EMC3: variants seen among roughly 807,000 people sequenced by gnomAD.
EMC3 encodes 30 kDa protein.
In EMC3, 13 loss-of-function variants were observed where a neutral mutation model predicts 36.6. The ratio of observed to expected loss-of-function variants is 0.35; its 90% CI spans 0.23 to 0.56. The LOEUF is 0.56. Ranked by LOEUF, EMC3 falls within the 20% of genes least tolerant of loss-of-function variation. The probability of loss-of-function intolerance (pLI) is 0.84; values close to 1 mark genes in which losing one functional copy is unlikely to be tolerated. For missense variants in EMC3, 220 were observed against 324.5 expected, an observed-to-expected ratio of 0.68 and a Z score of 2.47; for synonymous variants, 120 against 111.9, an observed-to-expected ratio of 1.07 and a Z score of -0.46.
intron 1 of EMC3, chr3:10,008,422 C>T (rs558111260): frequency 4.4e-6 from 6 of 1,367,694 alleles, no homozygotes; most frequent in East Asian, 9.1e-5. Context: ...GCATGCAGGC[C>T]GGGCAACCTT....
chr3:9,983,731 C>T (rs1246471946), intron 1 of EMC3, among the ~76,000 whole-genome samples: 3 of 151,944 alleles, frequency 2.0e-5, no homozygotes, highest in Non-Finnish European at 4.4e-5. Context: ...TTTGTGGTTA[C>T]AAAAGAGAGC....
At chr3:9,991,378 G>C (rs954884789), upstream of EMC3, among the ~76,000 whole-genome samples, 1 of 152,058 alleles carries the variant, frequency 6.6e-6, no homozygotes, top group Non-Finnish European at 1.5e-5. Flanking sequence ...ATTCCTCAGG[G>C]GTAATCATCC....
At chr3:9,969,479 T>C (rs1575673424) in intron 7 of EMC3, 3 of 1,400,590 alleles carry the variant, frequency 2.1e-6, no homozygotes, top group African/African-American at 2.9e-5. Context: ...TACAGCATCA[T>C]TGATAGTGTG....
Position 9,986,653 on chromosome 3 carries a change from C to A in EMC3, c.9G>T (p.Gly3=). ...TGTTGGAGTCGAGCAACAGTTCTGG[C>A]CCTGCCATCTTCACTGAAAGCTGGT... MA[G]PELLLDSNIR... is the part of the protein sequence containing the mutation. Residue 3 remains glycine, a synonymous_variant, in exon 1 of 8, where the codon GGG becomes GGT. Coordinates refer to ENST00000245046, the MANE Select transcript of EMC3 (RefSeq NM_001394674.1). 1 of 1,614,014 alleles carries A rather than the reference C, an allele frequency of 6.2e-7. No individual in the cohort carries two copies. The highest frequency in any genetic ancestry group is 8.5e-7 in the Non-Finnish European group (1 of 1,179,920).
intron 1 of EMC3, chr3:10,010,763 A>T (rs2086315565): frequency 6.6e-6 from 1 of 152,440 alleles, no homozygotes; most frequent in East Asian, 1.9e-4. Flanking sequence ...AGAGGACCCG[A>T]GTTAGTGCCC....
At position 9,963,145 on chromosome 3, in the gene EMC3, C is replaced by T. The variant is rs2085703525; in HGVS notation, c.*924G>A. ...GAAGGTTTGCTGAGTCTGTCCTGACCCTGGGTATTCACTCTGAAGAGAGTT... is the reference window on the plus strand; with the variant it reads ...GAAGGTTTGCTGAGTCTGTCCTGACTCTGGGTATTCACTCTGAAGAGAGTT... On this transcript the variant is annotated 3_prime_UTR_variant, in exon 8 of 8. Coordinates refer to ENST00000245046, the MANE Select transcript of EMC3 (RefSeq NM_001394674.1). 1 of 152,072 alleles carries T rather than the reference C, an allele frequency of 6.6e-6. No homozygotes were observed. The highest frequency in any genetic ancestry group is 2.4e-5 in the African/African-American group (1 of 41,392). The allele number at this position is 152,072 out of a possible 1,614,324, so 9.4% of individuals were successfully genotyped here. A position where few individuals can be genotyped will look rare whatever the true frequency, so the allele number is the denominator to read the frequency against.
chr3:9,981,126 C>T (rs1387188297), intron 1 of EMC3, among the ~76,000 whole-genome samples: 1 of 152,140 alleles, frequency 6.6e-6, no homozygotes. Flanking sequence ...CACTTGAGCC[C>T]GGGAGATCGA....
At chr3:10,010,393 C>A in intron 1 of EMC3, 1 of 151,342 alleles carries the variant, frequency 6.6e-6, no homozygotes, top group Non-Finnish European at 1.5e-5. Context: ...GGCAACAGAG[C>A]GAGACTCGTC....
intron 5 of EMC3, among the ~76,000 whole-genome samples, chr3:9,973,182 T>C (rs1385543207): frequency 1.3e-5 from 2 of 149,750 alleles, no homozygotes; most frequent in African/African-American, 4.9e-5. Context: ...GGTTTTTGTT[T>C]TCGTTTTTTG....
intron 1 of EMC3, chr3:10,004,377 C>T (rs1163734250): frequency 6.6e-6 from 1 of 152,190 alleles, no homozygotes; most frequent in African/African-American, 2.4e-5. Flanking sequence ...GGATTCCAGG[C>T]TGAGAACCTA....
chr3:9,989,566 G>A (rs951081175), upstream of EMC3, among the ~76,000 whole-genome samples: 1 of 152,130 alleles, frequency 6.6e-6, no homozygotes, highest in African/African-American at 2.4e-5. Flanking sequence ...TGGGATTTTT[G>A]TTAGTTTTGT....
At chr3:9,994,626 A>C (rs1262062939) in intron 1 of EMC3, among the ~76,000 whole-genome samples, 1 of 150,408 alleles carries the variant, frequency 6.6e-6, no homozygotes, top group African/African-American at 2.5e-5. Flanking sequence ...GCTGGAGTAC[A>C]GTGGCGCAAT....
intron 1 of EMC3, among the ~76,000 whole-genome samples, chr3:9,984,760 A>C (rs1005488440): frequency 1.3e-5 from 2 of 152,138 alleles, no homozygotes; most frequent in Admixed American, 1.3e-4. Flanking sequence ...AACTAATGCT[A>C]CAGAAAGATA....
intron 1 of EMC3, among the ~76,000 whole-genome samples, chr3:9,994,487 C>T (rs1418967377): frequency 1.3e-5 from 2 of 152,178 alleles, no homozygotes; most frequent in Non-Finnish European, 2.9e-5. Context: ...AGAGATTTGA[C>T]TGGTGGATCT....
intron 1 of EMC3, chr3:10,002,605 C>G (rs948637543): frequency 1.9e-5 from 7 of 364,620 alleles, no homozygotes; most frequent in Non-Finnish European, 2.7e-5. Context: ...TGCTTAAATA[C>G]ATAAAGACCC....
At chr3:10,008,692 G>A in intron 1 of EMC3, 1 of 348,756 alleles carries the variant, frequency 2.9e-6, no homozygotes, top group South Asian at 2.1e-5. Context: ...TGTTTACCCC[G>A]TCCCAGGCTG....
chr3:9,987,728 G>A, upstream of EMC3: 1 of 411,742 alleles, frequency 2.4e-6, no homozygotes, highest in Non-Finnish European at 4.5e-6. Context: ...TGAAATTTTG[G>A]ATATGACATT....
chr3:9,988,396 C>T (rs116988968), upstream of EMC3: 17 of 1,264,448 alleles, frequency 1.3e-5, no homozygotes, highest in African/African-American at 1.6e-4. Context: ...AAGAAAGCAG[C>T]GGTCAGAACC....
chr3:10,009,170 G>GT (rs1180189537), intron 1 of EMC3: 1 of 152,246 alleles, frequency 6.6e-6, no homozygotes, highest in African/African-American at 2.4e-5. Context: ...GCCGTTGGCC[G>GT]TTGGGAGCCA....
Sources: gnomAD v4.1 joint callset for allele counts (sites outside exome capture counted in the v4.1 genomes callset) on GRCh38, gnomAD v4.1.1 for gene constraint, MANE v1.5 for transcripts, NCBI Gene and HGNC (gene_info 2026-07-23, HGNC 2026-07-21) for gene names.